Variants in AGMO observed in about 807,000 individuals in gnomAD.
AGMO encodes glyceryl-ether monooxygenase.
A neutral mutation model predicts 60.2 loss-of-function variants in AGMO; 75 were observed. That is an observed-to-expected ratio of 1.25 (90% confidence interval 1.03 to 1.51). The LOEUF (loss-of-function observed/expected upper bound fraction) is 1.51. Among genes scored for constraint, AGMO ranks in the 40% most tolerant of loss-of-function variants. The pLI is 0.00. For synonymous variants in AGMO, 261 were observed against 177.1 expected (o/e 1.47, Z -3.76); for missense variants, 763 against 525.5 (o/e 1.45, Z -4.42).
intron 3 of AGMO, among the ~76,000 whole-genome samples, chr7:15,449,878 G>GA (rs941188311): frequency 4.6e-5 from 7 of 152,008 alleles, no homozygotes; most frequent in Non-Finnish European, 5.9e-5. Flanking sequence ...CACTTAAAAA[G>GA]AAAAAATGGG....
At chr7:15,260,740 G>T in intron 12 of AGMO, among the ~76,000 whole-genome samples, 1 of 151,812 alleles carries the variant, frequency 6.6e-6, no homozygotes, top group East Asian at 1.9e-4. Flanking sequence ...ATAAAACATT[G>T]TTCAAGGTAC....
At chr7:15,402,055 T>C (rs1225864420) in intron 5 of AGMO, among the ~76,000 whole-genome samples, 4 of 152,136 alleles carry the variant, frequency 2.6e-5, no homozygotes, top group Non-Finnish European at 2.9e-5. Context: ...CAGCTTCTCA[T>C]ACATTTATTA....
chr7:15,272,999 T>C (rs1188801993), intron 12 of AGMO, among the ~76,000 whole-genome samples: 1 of 152,186 alleles, frequency 6.6e-6, no homozygotes, highest in African/African-American at 2.4e-5. Context: ...TCTTGTAAAT[T>C]TGGGTTCTTT....
intron 3 of AGMO, among the ~76,000 whole-genome samples, chr7:15,447,416 G>A (rs914528511): frequency 3.3e-5 from 5 of 152,198 alleles, no homozygotes; most frequent in South Asian, 2.1e-4. Flanking sequence ...AGGAATTCAC[G>A]TAACTTGACA....
chr7:15,227,743 T>G (rs975243790), intron 12 of AGMO, among the ~76,000 whole-genome samples: 5 of 152,110 alleles, frequency 3.3e-5, no homozygotes, highest in Admixed American at 1.3e-4. Flanking sequence ...GGACTTTGAC[T>G]TTCCAGACTT....
At chr7:15,528,225 G>GTA (rs56921127) in intron 3 of AGMO, among the ~76,000 whole-genome samples, 5,210 of 152,010 alleles carry the variant, frequency 0.034, 302 homozygotes, top group African/African-American at 0.12. Context: ...TGTGATTAAA[G>GTA]TATATATATA....
chr7:15,430,533 T>C (rs1408587446), intron 4 of AGMO, among the ~76,000 whole-genome samples: 1 of 151,268 alleles, frequency 6.6e-6, no homozygotes, highest in African/African-American at 2.4e-5. Flanking sequence ...TTTTGGATCA[T>C]GATATTGATC....
chr7:15,524,329 T>C (rs770413664), intron 3 of AGMO, among the ~76,000 whole-genome samples: 18 of 152,220 alleles, frequency 1.2e-4, no homozygotes, highest in Non-Finnish European at 1.6e-4. Context: ...TTTTTTAAAA[T>C]CATGATTTTA....
intron 6 of AGMO, among the ~76,000 whole-genome samples, chr7:15,393,463 A>G (rs1415095960): frequency 1.3e-5 from 2 of 152,232 alleles, no homozygotes; most frequent in Non-Finnish European, 2.9e-5. Context: ...TATAAGATTT[A>G]TCTATTCTAC....
chr7:15,141,439 C>A, the AGMO span, among the ~76,000 whole-genome samples: 1 of 151,890 alleles, frequency 6.6e-6, no homozygotes, highest in Non-Finnish European at 1.5e-5. Context: ...AAAAATTAGC[C>A]GAGTGTGGTG....
Position 15,200,455 on chromosome 7 carries a change from A to G in AGMO, c.*830T>C, listed in dbSNP as rs35432859. 20,426 of 152,232 alleles carry G rather than the reference A, an allele frequency of 0.13. 1,477 individuals are homozygous for G. The highest frequency in any genetic ancestry group is 0.15 in the Non-Finnish European group (10,080 of 67,998). 9.4% of individuals were successfully genotyped at this position (152,232 alleles called of 1,614,324 possible). Reference sequence around the variant, plus strand: ...AATGTATGACAAAGTAACCTGTTGAAAAAACTAATTCTGACAAATTCTGTT... The same window carrying G: ...AATGTATGACAAAGTAACCTGTTGAGAAAACTAATTCTGACAAATTCTGTT... On this transcript the variant is annotated 3_prime_UTR_variant, in exon 13 of 13. Coordinates refer to ENST00000342526, the MANE Select transcript of AGMO (RefSeq NM_001004320.2).
chr7:15,213,705 G>GCTAGCTTC (rs1470325162), intron 12 of AGMO, among the ~76,000 whole-genome samples: 1 of 151,918 alleles, frequency 6.6e-6, no homozygotes, highest in Non-Finnish European at 1.5e-5. Context: ...ATGGAGATAA[G>GCTAGCTTC]CTAGCTTCCT....
At chr7:15,122,257 A>G in the AGMO span, among the ~76,000 whole-genome samples, 5,867 of 152,204 alleles carry the variant, frequency 0.039, 125 homozygotes, top group Non-Finnish European at 0.054. Flanking sequence ...ATGAACAGAC[A>G]CTTCTCTCTT....
chr7:15,152,819 C>CT, the AGMO span, among the ~76,000 whole-genome samples: 2 of 152,090 alleles, frequency 1.3e-5, no homozygotes, highest in Non-Finnish European at 2.9e-5. Flanking sequence ...ATGCAAGTAT[C>CT]TTTTTTGTAT....
the AGMO span, among the ~76,000 whole-genome samples, chr7:15,165,370 C>T: frequency 1.3e-5 from 2 of 152,042 alleles, no homozygotes. Context: ...CATGTACTCC[C>T]TGAATCTATA....
chr7:15,254,931 A>G (rs187261412), intron 12 of AGMO, among the ~76,000 whole-genome samples: 87 of 152,328 alleles, frequency 5.7e-4, no homozygotes, highest in Non-Finnish European at 1.1e-3. Context: ...TAGAAAATTT[A>G]AACAGACTAA....
intron 12 of AGMO, among the ~76,000 whole-genome samples, chr7:15,311,344 T>A (rs1780765172): frequency 6.6e-6 from 1 of 152,032 alleles, no homozygotes; most frequent in Non-Finnish European, 1.5e-5. Context: ...GAAAAATAAG[T>A]AAAAATCCAG....
chr7:15,303,436 G>GA (rs141119048), intron 12 of AGMO, among the ~76,000 whole-genome samples: 31,017 of 147,788 alleles, frequency 0.21, 3,262 homozygotes, highest in Middle Eastern at 0.28. Context: ...TGGAAAAACA[G>GA]AAAAAAAAAA....
intron 12 of AGMO, among the ~76,000 whole-genome samples, chr7:15,360,517 A>G (rs1339988582): frequency 2.6e-5 from 4 of 152,216 alleles, no homozygotes; most frequent in East Asian, 1.9e-4. Context: ...TAAGAAAATA[A>G]TAAGGAAGAA....
Sources: allele counts gnomAD v4.1 joint callset (sites outside exome capture counted in the v4.1 genomes callset), GRCh38; gene constraint gnomAD v4.1.1; transcripts MANE v1.5; gene names NCBI Gene and HGNC (gene_info 2026-07-23, HGNC 2026-07-21).